Variants in GABRB2 observed in about 807,000 individuals in gnomAD.
GABRB2 encodes gamma-aminobutyric acid receptor subunit beta-2.
In GABRB2, 16 loss-of-function variants were observed where a neutral mutation model predicts 54.7. The observed-to-expected ratio is 0.29, with a 90% CI of 0.20 to 0.44. The LOEUF (loss-of-function observed/expected upper bound fraction) is 0.44, where lower values mean the gene tolerates loss of function less well. Ranked by LOEUF, GABRB2 falls within the 20% of genes least tolerant of loss-of-function variation. The pLI is 1.00. For synonymous variants in GABRB2, 244 were observed against 233.8 expected (o/e 1.04, Z -0.40); for missense variants, 355 against 644.0 (o/e 0.55, Z 4.86).
At chr5:161,414,974 T>G (rs930076334) in intron 4 of GABRB2, among the ~76,000 whole-genome samples, 3 of 152,210 alleles carry the variant, frequency 2.0e-5, no homozygotes, top group Non-Finnish European at 4.4e-5. Context: ...TGTTTGAGAC[T>G]TTTTGATTTA....
intron 5 of GABRB2, among the ~76,000 whole-genome samples, chr5:161,358,591 G>A (rs575139368): frequency 1.1e-3 from 168 of 152,296 alleles, no homozygotes; most frequent in Middle Eastern, 0.01. Flanking sequence ...CCCTTGAGTG[G>A]GCAAGATGGA....
At position 161,487,896 on chromosome 5, in the gene GABRB2, GT is replaced by G. The variant is rs555795259; in HGVS notation, c.238-28053del. The stretch of plus-strand genomic sequence containing the variant: ...TTACTACCCATGAGTTCGAAGAAGA[GT>G]TTGGCAGTTCCTAACACTGAAAAGC... On this transcript the variant is annotated intron_variant, in intron 3 of 9. Transcript: ENST00000393959. Among the ~76,000 whole-genome samples the G allele has an allele frequency of 4.8e-3, 733 of 152,024 alleles. 6 individuals carry two copies. Among genetic ancestry groups the G allele is most frequent in the African/African-American group, 0.016 (674 of 41,512 alleles).
Position 161,545,437 on chromosome 5 carries a change from T to TAAA in GABRB2, c.170-146_170-144dup, listed in dbSNP as rs56952727. 884 of 324,064 alleles carry TAAA rather than the reference T, an allele frequency of 2.7e-3. 4 individuals are homozygous for TAAA. Among genetic ancestry groups the TAAA allele is most frequent in the African/African-American group, 7.8e-3 (323 of 41,460 alleles). 20.1% of individuals were successfully genotyped at this position (324,064 alleles called of 1,614,324 possible). A position where few individuals can be genotyped will look rare whatever the true frequency, so the allele number is the denominator to read the frequency against. ...TTTTTCAATTCTCTGCTTTTTTTGTTAAAAAAAAAAAAAAAAAAGGTAGCA... is the reference window on the plus strand; with the variant it reads ...TTTTTCAATTCTCTGCTTTTTTTGTTAAAAAAAAAAAAAAAAAAAAAGGTAGCA... On this transcript the variant is annotated intron_variant, in intron 2 of 9. Coordinates refer to ENST00000393959, the MANE Select transcript of GABRB2 (RefSeq NM_001371727.1).
At chr5:161,464,571 C>T (rs974479123) in intron 3 of GABRB2, among the ~76,000 whole-genome samples, 1 of 152,006 alleles carries the variant, frequency 6.6e-6, no homozygotes, top group Non-Finnish European at 1.5e-5. Flanking sequence ...TGACACAGAA[C>T]CTAGCAATCC....
chr5:161,314,786 A>G (rs1046151682), intron 9 of GABRB2, among the ~76,000 whole-genome samples: 4 of 151,904 alleles, frequency 2.6e-5, no homozygotes, highest in African/African-American at 9.7e-5. Flanking sequence ...ATCTTTCCAG[A>G]ATTTTCCCAG....
At chr5:161,311,080 A>G (rs552938796) in intron 9 of GABRB2, among the ~76,000 whole-genome samples, 99 of 152,296 alleles carry the variant, frequency 6.5e-4, no homozygotes, top group African/African-American at 2.3e-3. Flanking sequence ...AGCAATTTTA[A>G]CAAAAATGCC....
intron 3 of GABRB2, among the ~76,000 whole-genome samples, chr5:161,528,108 A>T (rs554122622): frequency 6.6e-6 from 1 of 151,918 alleles, no homozygotes; most frequent in Non-Finnish European, 1.5e-5. Flanking sequence ...CACACAAGGG[A>T]ATTCTATGCA....
intron 5 of GABRB2, among the ~76,000 whole-genome samples, chr5:161,338,292 C>T (rs1263294604): frequency 1.3e-5 from 2 of 152,066 alleles, no homozygotes; most frequent in Non-Finnish European, 2.9e-5. Context: ...AGCATTTGAA[C>T]TTCTAATACC....
At chr5:161,505,115 T>C (rs974383064) in intron 3 of GABRB2, among the ~76,000 whole-genome samples, 2 of 151,650 alleles carry the variant, frequency 1.3e-5, no homozygotes, top group African/African-American at 4.8e-5. Flanking sequence ...TTTTCTTTTT[T>C]TTTTTTTTTG....
chr5:161,476,203 A>G (rs1295240219), intron 3 of GABRB2, among the ~76,000 whole-genome samples: 1 of 151,954 alleles, frequency 6.6e-6, no homozygotes, highest in African/African-American at 2.4e-5. Flanking sequence ...AGTATCAAAG[A>G]GAGTAAAATA....
chr5:161,309,700 G>A (rs928812532), intron 9 of GABRB2, among the ~76,000 whole-genome samples: 3 of 150,674 alleles, frequency 2.0e-5, no homozygotes, highest in African/African-American at 4.9e-5. Flanking sequence ...GCGTGATCTC[G>A]GCTCACTGCA....
intron 4 of GABRB2, among the ~76,000 whole-genome samples, chr5:161,415,748 G>T (rs535166296): frequency 1.3e-4 from 20 of 150,564 alleles, no homozygotes; most frequent in Non-Finnish European, 2.5e-4. Flanking sequence ...TAGTAGCTGG[G>T]ATTATAGGCA....
At chr5:161,501,676 T>A (rs1759450156) in intron 3 of GABRB2, among the ~76,000 whole-genome samples, 1 of 152,032 alleles carries the variant, frequency 6.6e-6, no homozygotes, top group South Asian at 2.1e-4. Context: ...ATCTTTTAGG[T>A]GTATTGTGTT....
At chr5:161,439,447 T>C (rs1757398520) in intron 4 of GABRB2, among the ~76,000 whole-genome samples, 1 of 150,698 alleles carries the variant, frequency 6.6e-6, no homozygotes, top group Non-Finnish European at 1.5e-5. Flanking sequence ...CAATAAATGA[T>C]CACCTTAAGG....
chr5:161,368,195 AAAT>A lies in GABRB2; in HGVS notation c.542-31429_542-31427del, dbSNP rs1378079590. Among the ~76,000 whole-genome samples the A allele has an allele frequency of 2.0e-5, 3 of 151,980 alleles. No individual in the cohort carries two copies. The East Asian group carries it at 5.8e-4, about 29-fold the overall frequency. On this transcript the variant is annotated intron_variant, in intron 5 of 9. Transcript: ENST00000393959. ...TTTTGAAAAACTAAGTATAGATAAA[AAAT>A]AATATTAGGAAAGGTGGAAAAATTG...
At chr5:161,488,428 A>G (rs1163812249) in intron 3 of GABRB2, among the ~76,000 whole-genome samples, 1 of 151,610 alleles carries the variant, frequency 6.6e-6, no homozygotes, top group Non-Finnish European at 1.5e-5. Context: ...TTCTTTACCT[A>G]TGGATCATTA....
chr5:161,410,969 A>T lies in GABRB2; in HGVS notation c.541+6T>A. 3 of 1,610,076 alleles carry T rather than the reference A, an allele frequency of 1.9e-6. No homozygotes were observed. Among genetic ancestry groups the T allele is most frequent in the Non-Finnish European group, 2.5e-6 (3 of 1,176,512 alleles). ...CCAGTCTAGCTGGATTCTCAGAACGACTTACAGCTCTCAATTTCCAAGGTG... is the reference window on the plus strand; with the variant it reads ...CCAGTCTAGCTGGATTCTCAGAACGTCTTACAGCTCTCAATTTCCAAGGTG... On this transcript the variant is annotated splice_donor_region_variant and intron_variant, in intron 5 of 9. Coordinates refer to ENST00000393959, the MANE Select transcript of GABRB2 (RefSeq NM_001371727.1).
chr5:161,458,351 T>G (rs993220276), intron 4 of GABRB2, among the ~76,000 whole-genome samples: 1 of 152,196 alleles, frequency 6.6e-6, no homozygotes, highest in Non-Finnish European at 1.5e-5. Flanking sequence ...ATGTGAGCAG[T>G]GCCTGTATCT....
chr5:161,513,675 T>G (rs1759847284), intron 3 of GABRB2, among the ~76,000 whole-genome samples: 1 of 152,050 alleles, frequency 6.6e-6, no homozygotes. Context: ...AACTAACTGT[T>G]GCATACTGTG....
Sources: gnomAD v4.1 joint callset for allele counts (sites outside exome capture counted in the v4.1 genomes callset) on GRCh38, gnomAD v4.1.1 for gene constraint, MANE v1.5 for transcripts, NCBI Gene and HGNC (gene_info 2026-07-23, HGNC 2026-07-21) for gene names.